SPECC1: variants seen among roughly 807,000 people sequenced by gnomAD.
SPECC1 encodes sperm antigen with calponin homology and coiled-coil domains 1.
Under a neutral mutation model 104.1 loss-of-function variants are expected in SPECC1, and 62 were observed. That is an observed-to-expected ratio of 0.60 (90% confidence interval 0.49 to 0.74). SPECC1 has a LOEUF of 0.74. SPECC1 is among the 30% of genes least tolerant of loss of function. The pLI, the probability that SPECC1 is intolerant of heterozygous loss-of-function variation, is 0.00. For synonymous variants in SPECC1, 513 were observed against 501.6 expected, an observed-to-expected ratio of 1.02 and a Z score of -0.30; for missense variants, 1,306 against 1,310.5, an observed-to-expected ratio of 1.00 and a Z score of 0.05.
At chr17:20,304,940 C>T (rs2041714669) in intron 13 of SPECC1, among the ~76,000 whole-genome samples, 1 of 151,826 alleles carries the variant, frequency 6.6e-6, no homozygotes, top group South Asian at 2.1e-4. Context: ...AGGCACAAAG[C>T]CCCCCTCCCA....
Position 20,205,797 on chromosome 17 carries a change from T to C in SPECC1, c.1748T>C (p.Met583Thr), listed in dbSNP as rs1266498577. ...QTAESCEVQE[M>T]LKVARAEKDL... is the part of the protein sequence containing the mutation. ...GCAGAGAGCTGCGAAGTTCAAGAAA[T>C]GTTGAAAGTAGCCCGAGCAGAGAAA... Residue 583 changes from methionine to threonine, a missense_variant, in exon 4 of 15, where the codon ATG (methionine) becomes ACG (threonine). Physicochemically the swap from Met to Thr is moderately conservative, Grantham distance 81 (BLOSUM62 -1). Coordinates refer to ENST00000395527, the MANE Select transcript of SPECC1 (RefSeq NM_001243439.2). 8 of 1,613,998 alleles carry C rather than the reference T, an allele frequency of 5.0e-6. No homozygotes were observed. Among genetic ancestry groups the C allele is most frequent in the Non-Finnish European group, 6.8e-6 (8 of 1,180,028 alleles).
intron 1 of SPECC1, among the ~76,000 whole-genome samples, chr17:20,091,580 G>A (rs2047402862): frequency 6.6e-6 from 1 of 152,150 alleles, no homozygotes; most frequent in African/African-American, 2.4e-5. Flanking sequence ...GTGCCCATTG[G>A]GCTTAGAACT....
chr17:20,165,941 G>A (rs2033610597), intron 3 of SPECC1, among the ~76,000 whole-genome samples: 1 of 151,732 alleles, frequency 6.6e-6, no homozygotes, highest in Non-Finnish European at 1.5e-5. Flanking sequence ...CTGGATATTA[G>A]ACTTTTGTCA....
Position 20,212,248 on chromosome 17 carries a change from T to C in SPECC1, c.1863+6336T>C, listed in dbSNP as rs564983080. On this transcript the variant is annotated intron_variant, in intron 4 of 14. Coordinates refer to ENST00000395527, the MANE Select transcript of SPECC1 (RefSeq NM_001243439.2). ...TATGGATGATTATCAGCAGTGTCTATTCACAACAGGGCTAAGAACCGAGCA... is the reference window on the plus strand; with the variant it reads ...TATGGATGATTATCAGCAGTGTCTACTCACAACAGGGCTAAGAACCGAGCA... Among the ~76,000 whole-genome samples, 6 of 152,320 alleles carry C rather than the reference T, an allele frequency of 3.9e-5. No homozygotes were observed. In the East Asian group the frequency reaches 1.2e-3, roughly 29 times the overall value.
intron 2 of SPECC1, among the ~76,000 whole-genome samples, chr17:20,105,076 C>G (rs1054718431): frequency 6.6e-6 from 1 of 151,898 alleles, no homozygotes; most frequent in Non-Finnish European, 1.5e-5. Flanking sequence ...TCTAGAGATA[C>G]GCCAACTGCT....
rs77031529 is a variant in SPECC1, at chr17:20,247,084, G to A, written c.2498-135G>A. The stretch of plus-strand genomic sequence containing the variant: ...AGCAGCTCTAGTCCGGAGAAGAAAA[G>A]GATAATAGAGTAAATATTACACTAA... On this transcript the variant is annotated intron_variant, in intron 8 of 14. Transcript: ENST00000395527. The A allele has an allele frequency of 1.2e-3, 732 of 611,334 alleles. 4 individuals carry two copies. The East Asian group carries it at 0.015, about 12-fold the overall frequency. 37.9% of individuals were successfully genotyped at this position (611,334 alleles called of 1,614,324 possible). A position where few individuals can be genotyped will look rare whatever the true frequency, so the allele number is the denominator to read the frequency against.
chr17:20,015,874 A>G (rs1041142756), intron 1 of SPECC1, among the ~76,000 whole-genome samples: 1 of 143,876 alleles, frequency 7.0e-6, no homozygotes, highest in East Asian at 2.3e-4. Flanking sequence ...GTGAGCCACC[A>G]CGCCTGGCCA....
At chr17:20,101,657 A>G (rs147396641) in intron 2 of SPECC1, among the ~76,000 whole-genome samples, 1 of 152,328 alleles carries the variant, frequency 6.6e-6, no homozygotes, top group Admixed American at 6.5e-5. Flanking sequence ...GCCCAGGTCT[A>G]TTAATTGGGG....
At chr17:20,110,845 A>G (rs1216056918) in intron 3 of SPECC1, among the ~76,000 whole-genome samples, 2 of 152,026 alleles carry the variant, frequency 1.3e-5, no homozygotes, top group Non-Finnish European at 2.9e-5. Context: ...TCCTTCTGAC[A>G]TCCAAGCAGG....
At chr17:20,018,614 G>A (rs969412671) in intron 1 of SPECC1, among the ~76,000 whole-genome samples, 1 of 152,228 alleles carries the variant, frequency 6.6e-6, no homozygotes, top group African/African-American at 2.4e-5. Context: ...CTCAGATCTG[G>A]TGGTTCACTT....
At chr17:20,301,360 TCCAGCC>T (rs1297983309) in intron 13 of SPECC1, among the ~76,000 whole-genome samples, 1 of 151,340 alleles carries the variant, frequency 6.6e-6, no homozygotes, top group African/African-American at 2.4e-5. Context: ...GGCACATGTG[TCCAGCC>T]CCAGCCTGGA....
rs373888218 is a variant in SPECC1, at chr17:20,308,755, G to A, written c.3117+2673G>A. Among the ~76,000 whole-genome samples, 6 of 152,286 alleles carry A rather than the reference G, an allele frequency of 3.9e-5. No homozygotes were observed. In the East Asian group the frequency reaches 1.2e-3, roughly 29 times the overall value. ...TTACAAGTCTGGGAAATTTAAAAAG[G>A]TGTGAGGAAACTTACACATCTGACC... On this transcript the variant is annotated intron_variant, in intron 14 of 14. Transcript: ENST00000395527.
chr17:20,087,884 A>G (rs552212726), intron 1 of SPECC1, among the ~76,000 whole-genome samples: 3 of 152,198 alleles, frequency 2.0e-5, no homozygotes, highest in South Asian at 2.1e-4. Context: ...TACTCTAGAG[A>G]GTATAAGAAA....
At chr17:20,114,406 G>A (rs1268383427) in intron 3 of SPECC1, among the ~76,000 whole-genome samples, 4 of 151,970 alleles carry the variant, frequency 2.6e-5, no homozygotes, top group African/African-American at 9.7e-5. Flanking sequence ...TAGCCAGGAT[G>A]GTCTTGATCT....
chr17:20,136,445 C>A, intron 3 of SPECC1, among the ~76,000 whole-genome samples: 1 of 144,824 alleles, frequency 6.9e-6, no homozygotes. Context: ...AAAAAAAAAT[C>A]TGTCTTTTCA....
intron 1 of SPECC1, among the ~76,000 whole-genome samples, chr17:20,073,081 C>T (rs8068484): frequency 0.29 from 43,945 of 151,714 alleles, 6,859 homozygotes; most frequent in Middle Eastern, 0.43. Flanking sequence ...TTATTTAGAA[C>T]GAAAAAAAAT....
At chr17:20,092,059 T>C (rs2047426097) in intron 1 of SPECC1, among the ~76,000 whole-genome samples, 1 of 152,134 alleles carries the variant, frequency 6.6e-6, no homozygotes. Context: ...TCTCTCCTCC[T>C]TTTCTCCCTC....
intron 4 of SPECC1, among the ~76,000 whole-genome samples, chr17:20,218,610 C>T (rs902563902): frequency 3.3e-5 from 5 of 152,040 alleles, no homozygotes; most frequent in Admixed American, 3.3e-4. Flanking sequence ...CCCTCCGTCC[C>T]TTCCTCCCCC....
rs181079312 is a variant in SPECC1, at chr17:20,223,698, C to A, written c.1864-3715C>A. ...AAAAAAAAAAAAAAATTATTTCAAT[C>A]TCTTTATTAAATATATCGAAAGGAT... On this transcript the variant is annotated intron_variant, in intron 4 of 14. Transcript: ENST00000395527. Among the ~76,000 whole-genome samples the A allele has an allele frequency of 2.0e-5, 3 of 152,048 alleles. No homozygotes were observed. The East Asian group carries it at 5.8e-4, about 29-fold the overall frequency.
Sources: allele counts gnomAD v4.1 joint callset (sites outside exome capture counted in the v4.1 genomes callset), GRCh38; gene constraint gnomAD v4.1.1; transcripts MANE v1.5; gene names NCBI Gene and HGNC (gene_info 2026-07-23, HGNC 2026-07-21).